Variants in EHMT1 observed in about 807,000 individuals in gnomAD.
EHMT1 encodes euchromatic histone lysine methyltransferase 1.
Under a neutral mutation model 147.2 loss-of-function variants are expected in EHMT1, and 15 were observed. The observed-to-expected ratio is 0.10, with a 90% CI of 0.07 to 0.16. The LOEUF (loss-of-function observed/expected upper bound fraction) is 0.16, where lower values mean the gene tolerates loss of function less well. Among genes scored for constraint, EHMT1 ranks in the 10% least tolerant of loss-of-function variants. The pLI is 1.00. For missense variants in EHMT1, 1,587 were observed against 1,772.4 expected (o/e 0.90, Z 1.88); for synonymous variants, 795 against 709.6 (o/e 1.12, Z -1.91).
chr9:137,668,421 A>G (rs974493807), intron 1 of EHMT1, among the ~76,000 whole-genome samples: 6 of 150,776 alleles, frequency 4.0e-5, no homozygotes, highest in African/African-American at 9.8e-5. Flanking sequence ...CCACCCATCC[A>G]TTTATTTACC....
chr9:137,793,443 G>T (rs1564772917), intron 16 of EHMT1, among the ~76,000 whole-genome samples: 1 of 152,260 alleles, frequency 6.6e-6, no homozygotes, highest in South Asian at 2.1e-4. Flanking sequence ...GTTGCTAGTG[G>T]GGATGTAAAC....
chr9:137,753,942 CTTTTG>C lies in EHMT1; in HGVS notation c.1249-219_1249-215del, dbSNP rs1477972941. Among the ~76,000 whole-genome samples the C allele has an allele frequency of 5.9e-5, 9 of 152,246 alleles. No homozygotes were observed. In the East Asian group the frequency reaches 1.4e-3, roughly 23 times the overall value. ...TAAGATGGATACATTTCACTTTCTG[CTTTTG>C]TTTTGTTTTATCTCTAAAGGGACTG... On this transcript the variant is annotated intron_variant, in intron 7 of 26. Coordinates refer to ENST00000460843, the MANE Select transcript of EHMT1 (RefSeq NM_024757.5).
chr9:137,729,590 A>ATT (rs1946925278), intron 4 of EHMT1, among the ~76,000 whole-genome samples: 1 of 151,940 alleles, frequency 6.6e-6, no homozygotes, highest in Non-Finnish European at 1.5e-5. Context: ...CCATCTCAAA[A>ATT]AAAAAAAAAT....
chr9:137,827,599 C>G (rs1178695623), intron 25 of EHMT1, among the ~76,000 whole-genome samples: 1 of 152,220 alleles, frequency 6.6e-6, no homozygotes, highest in Non-Finnish European at 1.5e-5. Flanking sequence ...TGTTCTCAGC[C>G]TGGGGCTACA....
chr9:137,728,224 T>G, intron 3 of EHMT1, 125 bp from the exon 4 acceptor site: 1 of 1,372,302 alleles, frequency 7.3e-7, no homozygotes, highest in Middle Eastern at 1.8e-4. Flanking sequence ...TTCTCCTCTC[T>G]CCATTGTATC....
intron 22 of EHMT1, 52 bp downstream of exon 22, chr9:137,814,560 G>A (rs754757601): frequency 1.3e-6 from 2 of 1,590,164 alleles, no homozygotes; most frequent in African/African-American, 1.3e-5. Context: ...CGCTGGTCCG[G>A]GTCTGCAAAA....
rs1360420785 is a variant in EHMT1, at chr9:137,814,413, CG to C, written c.3181-16del. ...GCCTGTGCCTGCACGTCTGACCCCC[CG>C]GCGCCTCTCTTCTCAGTACTGCGTG... On this transcript the variant is annotated splice_polypyrimidine_tract_variant and intron_variant, in intron 21 of 26. Coordinates refer to ENST00000460843, the MANE Select transcript of EHMT1 (RefSeq NM_024757.5). The C allele has an allele frequency of 1.2e-6, 2 of 1,611,488 alleles. No homozygotes were observed. The highest frequency in any genetic ancestry group is 2.7e-5 in the African/African-American group (2 of 74,936).
chr9:137,817,417 A>G, intron 23 of EHMT1, 22 bp from the exon 24 acceptor site: 1 of 1,613,374 alleles, frequency 6.2e-7, no homozygotes, highest in Non-Finnish European at 8.5e-7. Flanking sequence ...GCCTGGGTTC[A>G]CCACTACTCT....
intron 1 of EHMT1, among the ~76,000 whole-genome samples, chr9:137,696,745 T>C (rs1411178009): frequency 1.3e-5 from 2 of 152,180 alleles, no homozygotes; most frequent in African/African-American, 4.8e-5. Context: ...CATGGGGGTA[T>C]CTTCAAAGCT....
At chr9:137,642,161 C>G (rs1844538724) in intron 1 of EHMT1, among the ~76,000 whole-genome samples, 1 of 152,126 alleles carries the variant, frequency 6.6e-6, no homozygotes, top group South Asian at 2.1e-4. Flanking sequence ...AATCTATTCC[C>G]CCAGTCTCTA....
intron 25 of EHMT1, among the ~76,000 whole-genome samples, chr9:137,833,722 C>T (rs2133135595): frequency 6.6e-6 from 1 of 152,382 alleles, no homozygotes; most frequent in Non-Finnish European, 1.5e-5. Context: ...TCCAAGGCAC[C>T]AGGGTGAGGA....
chr9:137,789,028 C>T (rs1952268182), intron 15 of EHMT1: 1 of 152,528 alleles, frequency 6.6e-6, no homozygotes, highest in Non-Finnish European at 1.5e-5. Flanking sequence ...TCCCTCCACT[C>T]TTAGAGCTTT....
chr9:137,637,787 G>C (rs1002434214), intron 1 of EHMT1, among the ~76,000 whole-genome samples: 5 of 152,218 alleles, frequency 3.3e-5, no homozygotes, highest in Admixed American at 6.5e-5. Flanking sequence ...TAATTCACCT[G>C]CGAAGCCATC....
At chr9:137,756,380 G>A (rs1588544386) in intron 8 of EHMT1, among the ~76,000 whole-genome samples, 1 of 152,146 alleles carries the variant, frequency 6.6e-6, no homozygotes, top group Non-Finnish European at 1.5e-5. Flanking sequence ...CAGTGTCACC[G>A]AGTGGCAGCA....
chr9:137,735,095 C>A (rs919376005), intron 4 of EHMT1, among the ~76,000 whole-genome samples: 3 of 152,176 alleles, frequency 2.0e-5, no homozygotes, highest in Non-Finnish European at 2.9e-5. Context: ...AGAGACAAAT[C>A]CGTTTAAAAA....
chr9:137,733,321 C>T (rs1458822306), intron 4 of EHMT1, among the ~76,000 whole-genome samples: 3 of 152,176 alleles, frequency 2.0e-5, no homozygotes, highest in African/African-American at 4.8e-5. Flanking sequence ...ATCTTTCCCA[C>T]GTGTAGCGGT....
intron 1 of EHMT1, among the ~76,000 whole-genome samples, chr9:137,665,380 C>A (rs920401574): frequency 5.3e-5 from 8 of 152,138 alleles, no homozygotes; most frequent in Non-Finnish European, 8.8e-5. Flanking sequence ...TGTGCTCGAA[C>A]CTGCGTCGTG....
intron 1 of EHMT1, among the ~76,000 whole-genome samples, chr9:137,657,606 A>G (rs939217962): frequency 6.6e-6 from 1 of 151,960 alleles, no homozygotes; most frequent in African/African-American, 2.4e-5. Context: ...CATACAGTGC[A>G]TAACAATCAC....
At chr9:137,801,373 G>A (rs1953472566) in intron 18 of EHMT1, among the ~76,000 whole-genome samples, 2 of 152,248 alleles carry the variant, frequency 1.3e-5, no homozygotes, top group Non-Finnish European at 2.9e-5. Context: ...CCAGGCTAGA[G>A]TGCAGTGGCG....
Sources: gnomAD v4.1 joint callset for allele counts (sites outside exome capture counted in the v4.1 genomes callset) on GRCh38, gnomAD v4.1.1 for gene constraint, MANE v1.5 for transcripts, NCBI Gene and HGNC (gene_info 2026-07-23, HGNC 2026-07-21) for gene names.